COL27A1: variants seen among roughly 807,000 people sequenced by gnomAD.
The protein encoded by COL27A1 is collagen type XXVII alpha 1 chain.
COL27A1 carries 106 observed loss-of-function variants against 251.3 expected under a neutral mutation model. That is an observed-to-expected ratio of 0.42 (90% CI 0.36 to 0.50). The LOEUF (loss-of-function observed/expected upper bound fraction) is 0.50. Ranked by LOEUF, COL27A1 falls within the 20% of genes least tolerant of loss-of-function variation. COL27A1 has a pLI of 0.00. For synonymous variants in COL27A1, 1,000 were observed against 986.3 expected (o/e 1.01, Z -0.26); for missense variants, 2,325 against 2,522.8 (o/e 0.92, Z 1.68).
In COL27A1 at chr9:114,168,845, G is replaced by A. The variant is rs201849595; in HGVS notation, c.1290G>A (p.Pro430=). Reference sequence around the variant, plus strand: ...CAGAGAAGCCCATCCAGAGGAACCCGGGAATGCCCAGGCCCCCACCGCCCA... The same window carrying A: ...CAGAGAAGCCCATCCAGAGGAACCCAGGAATGCCCAGGCCCCCACCGCCCA... ...RPAEKPIQRN[P]GMPRPPPPST... is the part of the protein sequence containing the mutation. The change falls in exon 3 of 61, where the codon CCG becomes CCA. Residue 430 remains proline, a synonymous_variant. Transcript: ENST00000356083. The A allele has an allele frequency of 1.6e-5, 26 of 1,613,856 alleles. No homozygotes were observed. The highest frequency in any genetic ancestry group is 8.9e-5 in the East Asian group (4 of 44,854).
At chr9:114,266,453 G>A (rs1410350605) in intron 32 of COL27A1, 112 bp from the exon 33 acceptor site, 1 of 793,892 alleles carries the variant, frequency 1.3e-6, no homozygotes, top group Admixed American at 2.3e-5. Flanking sequence ...GACTAGGGGT[G>A]TGCTTCAGAG....
chr9:114,270,810 G>A (rs1024870018), intron 36 of COL27A1, 29 bp downstream of exon 36: 4 of 1,581,598 alleles, frequency 2.5e-6, no homozygotes, highest in Non-Finnish European at 3.5e-6. Context: ...CAGGGCCTGG[G>A]GACCCCGGCA....
intron 41 of COL27A1, among the ~76,000 whole-genome samples, chr9:114,287,107 C>G (rs1257821961): frequency 6.6e-6 from 1 of 152,154 alleles, no homozygotes; most frequent in East Asian, 1.9e-4. Context: ...TTGGGCCACC[C>G]CTCTAGACCT....
At chr9:114,284,126 C>T (rs559346708) in intron 40 of COL27A1, among the ~76,000 whole-genome samples, 1 of 152,330 alleles carries the variant, frequency 6.6e-6, no homozygotes, top group African/African-American at 2.4e-5. Context: ...TGTTACACAT[C>T]TGGAGAAACC....
At chr9:114,292,253 A>T in intron 49 of COL27A1, 43 bp downstream of exon 49, 1 of 1,404,298 alleles carries the variant, frequency 7.1e-7, no homozygotes, top group South Asian at 1.2e-5. Context: ...GCACTCACAC[A>T]TGCACACACT....
chr9:114,282,216 T>C, intron 37 of COL27A1, 61 bp from the exon 38 acceptor site: 1 of 1,507,892 alleles, frequency 6.6e-7, no homozygotes, highest in Middle Eastern at 1.7e-4. Flanking sequence ...GCCTTGCGGA[T>C]CCGCCTCAGT....
intron 2 of COL27A1, among the ~76,000 whole-genome samples, chr9:114,164,435 T>C (rs1848692764): frequency 6.6e-6 from 1 of 152,326 alleles, no homozygotes; most frequent in Admixed American, 6.5e-5. Flanking sequence ...TAGCTGCAGA[T>C]GGTCTTTGGG....
chr9:114,170,741 G>T (rs147959890), intron 3 of COL27A1, among the ~76,000 whole-genome samples: 1 of 152,218 alleles, frequency 6.6e-6, no homozygotes, highest in East Asian at 1.9e-4. Flanking sequence ...AATTGGCAGC[G>T]TAGAGAGTTG....
chr9:114,256,808 C>T (rs571101178), intron 27 of COL27A1, among the ~76,000 whole-genome samples: 3 of 152,304 alleles, frequency 2.0e-5, no homozygotes, highest in South Asian at 2.1e-4. Context: ...CATGTGAGCC[C>T]GGGTTCTCCA....
chr9:114,235,519 C>G (rs1353671812), intron 16 of COL27A1, 80 bp from the exon 17 acceptor site: 4 of 1,084,564 alleles, frequency 3.7e-6, no homozygotes, highest in Non-Finnish European at 5.7e-6. Flanking sequence ...CACAGCTGTA[C>G]CTCGCCAGGG....
At chr9:114,160,018 C>G (rs1241958574) in intron 1 of COL27A1, among the ~76,000 whole-genome samples, 1 of 152,150 alleles carries the variant, frequency 6.6e-6, no homozygotes, top group Non-Finnish European at 1.5e-5. Context: ...GGGCCTGGCC[C>G]CATGAAAAGG....
At chr9:114,161,372 AGATTTATCCAGATTCAT>A (rs1273602308) in intron 1 of COL27A1, among the ~76,000 whole-genome samples, 1 of 152,122 alleles carries the variant, frequency 6.6e-6, no homozygotes, top group African/African-American at 2.4e-5. Context: ...GGATCAACTT[AGATTTATCCAGATTCAT>A]GTAGGATCCT....
At chr9:114,235,785 T>G in intron 17 of COL27A1, 133 bp downstream of exon 17, 1 of 726,100 alleles carries the variant, frequency 1.4e-6, no homozygotes, top group Admixed American at 2.0e-5. Flanking sequence ...AATAATCCAG[T>G]CTTCTCCATC....
At chr9:114,224,488 G>A (rs1165681022) in intron 14 of COL27A1, among the ~76,000 whole-genome samples, 1 of 152,078 alleles carries the variant, frequency 6.6e-6, no homozygotes, top group African/African-American at 2.4e-5. Flanking sequence ...CCTTTCTGAA[G>A]GGATGTTTAC....
chr9:114,200,222 C>T (rs891025570), intron 7 of COL27A1, among the ~76,000 whole-genome samples: 2 of 152,198 alleles, frequency 1.3e-5, no homozygotes, highest in African/African-American at 2.4e-5. Context: ...TCCAGGCTCC[C>T]CTGCTTCTGC....
chr9:114,282,587 G>C (rs1383044509), intron 39 of COL27A1, 23 bp downstream of exon 39: 4 of 1,436,768 alleles, frequency 2.8e-6, no homozygotes, highest in African/African-American at 1.4e-5. Flanking sequence ...TGGCTGGGGT[G>C]GGGGAGTCAG....
chr9:114,240,197 C>A (rs1422217411), intron 19 of COL27A1, 23 bp from the exon 20 acceptor site: 1 of 1,610,734 alleles, frequency 6.2e-7, no homozygotes, highest in South Asian at 1.1e-5. Context: ...CCGTGGGTGA[C>A]CCTGCTCTCT....
intron 49 of COL27A1, among the ~76,000 whole-genome samples, chr9:114,293,966 C>T (rs1425077261): frequency 2.0e-5 from 3 of 151,634 alleles, no homozygotes; most frequent in South Asian, 2.1e-4. Context: ...CGGCTGGGCG[C>T]GGTGGCTTAC....
intron 4 of COL27A1, among the ~76,000 whole-genome samples, chr9:114,180,714 T>C (rs1330108561): frequency 6.6e-6 from 1 of 152,194 alleles, no homozygotes; most frequent in African/African-American, 2.4e-5. Context: ...GGAGGGATGT[T>C]GGGGAATCCC....
Sources: gnomAD v4.1 joint callset for allele counts (sites outside exome capture counted in the v4.1 genomes callset) on GRCh38, gnomAD v4.1.1 for gene constraint, MANE v1.5 for transcripts, NCBI Gene and HGNC (gene_info 2026-07-23, HGNC 2026-07-21) for gene names.